Variants in PEX6 observed in about 807,000 individuals in gnomAD.
PEX6 encodes peroxisome biogenesis factor 6.
A neutral mutation model predicts 85.6 loss-of-function variants in PEX6; 55 were observed. The ratio of observed to expected loss-of-function variants is 0.64; its 90% CI spans 0.52 to 0.80. The LOEUF (loss-of-function observed/expected upper bound fraction) is 0.80, where lower values mean the gene tolerates loss of function less well. Ranked by LOEUF, PEX6 falls within the 30% of genes least tolerant of loss-of-function variation. The probability of loss-of-function intolerance (pLI) is 0.00; values close to 1 mark genes in which losing one functional copy is unlikely to be tolerated. For missense variants in PEX6, 1,099 were observed against 1,260.3 expected (o/e 0.87, Z 1.94); for synonymous variants, 519 against 549.1 (o/e 0.95, Z 0.77).
intron 6 of PEX6, 51 bp from the exon 7 acceptor site, chr6:42,968,549 G>A: frequency 6.8e-7 from 1 of 1,470,960 alleles, no homozygotes; most frequent in Non-Finnish European, 9.3e-7. Flanking sequence ...GCATGACAAG[G>A]GCAGGAGAAT....
chr6:42,969,563 A>G (rs1306800362), intron 5 of PEX6, 105 bp downstream of exon 5: 14 of 1,443,914 alleles, frequency 9.7e-6, no homozygotes, highest in Non-Finnish European at 1.3e-5. Flanking sequence ...GGTCCTCCCA[A>G]TCCCACTCTG....
intron 7 of PEX6, 152 bp from the exon 8 acceptor site, chr6:42,967,715 G>A: frequency 3.0e-6 from 2 of 662,526 alleles, no homozygotes; most frequent in East Asian, 5.5e-5. Flanking sequence ...TCCTAGATGG[G>A]GGAACTGTGT....
At position 42,967,472 on chromosome 6, in the gene PEX6, G is replaced by A; in HGVS notation, c.1780C>T (p.Pro594Ser). ...QTAFPHELEV[P>S]ALSEGQRLSI... Reference sequence around the variant, plus strand: ...AGCCGCTGCCCCTCTGACAGAGCAGGCACCTCGAGCTCATGAGGAAATGCT... The same window carrying A: ...AGCCGCTGCCCCTCTGACAGAGCAGACACCTCGAGCTCATGAGGAAATGCT... The change falls in exon 8 of 17, where the codon CCT becomes TCT. Residue 594 changes from proline (P) to serine (S), a missense_variant. By Grantham distance (74) the Pro-to-Ser change is moderately conservative (BLOSUM62 -1). Around this residue, in one of 3 missense-constraint regions of PEX6, gnomAD observed 514 missense variants for 627.0 expected, o/e 0.82. Coordinates refer to ENST00000304611, the MANE Select transcript of PEX6 (RefSeq NM_000287.4). 3 of 1,611,662 alleles carry A rather than the reference G, an allele frequency of 1.9e-6. No homozygotes were observed. The South Asian group carries it at 3.3e-5, about 18-fold the overall frequency.
At position 42,965,881 on chromosome 6, in the gene PEX6, A is replaced by G; in HGVS notation, c.2363-92T>C. 1.5e-6 allele frequency: 2 copies of G among 1,314,332 alleles called. No homozygotes were observed. The highest frequency in any genetic ancestry group is 1.4e-5 in the African/African-American group (1 of 69,258). 81.4% of individuals were successfully genotyped at this position (1,314,332 alleles called of 1,614,324 possible). A position where few individuals can be genotyped will look rare whatever the true frequency, so the allele number is the denominator to read the frequency against. ...GCAGGGAGGGAAACTGGGGCCTGACAATACAGCACTGGCATCCCAGGTACT... is the reference window on the plus strand; with the variant it reads ...GCAGGGAGGGAAACTGGGGCCTGACGATACAGCACTGGCATCCCAGGTACT... On this transcript the variant is annotated intron_variant, in intron 12 of 16. Coordinates refer to ENST00000304611, the MANE Select transcript of PEX6 (RefSeq NM_000287.4). The surrounding 1 kb of genome is among the most constrained non-coding windows in gnomAD (Gnocchi z 5.0).
chr6:42,966,400 C>A lies in PEX6; in HGVS notation c.2142G>T (p.Lys714Asn), dbSNP rs371619603. Residue 714 changes from lysine (K) to asparagine (N), a missense_variant, in exon 11 of 17, where the codon AAG becomes AAT. Physicochemically the swap from Lys to Asn is moderately conservative, Grantham distance 94. Coordinates refer to ENST00000304611, the MANE Select transcript of PEX6 (RefSeq NM_000287.4). The stretch of plus-strand genomic sequence containing the variant: ...GCTGAATGGTCTCCAGGATCTCCTT[C>A]TTCACCTCCTGCAGCCCACCCACAT... Reference protein sequence around the residue: ...WHDVGGLQEVKKEILETIQLP... With the variant: ...WHDVGGLQEVNKEILETIQLP... 3 of 1,614,036 alleles carry A rather than the reference C, an allele frequency of 1.9e-6. No individual in the cohort carries two copies. Among genetic ancestry groups the A allele is most frequent in the African/African-American group, 1.3e-5 (1 of 74,918 alleles).
Position 42,978,438 on chromosome 6 carries a change from T to C in PEX6, c.713A>G (p.His238Arg). ...TTCTAGGACCTGCACCCTAGCCAAGTGCGGCTGTGAAGTGTTCGATGACTC... is the reference window on the plus strand; with the variant it reads ...TTCTAGGACCTGCACCCTAGCCAAGCGCGGCTGTGAAGTGTTCGATGACTC... ...ARESSNTSQP[H>R]LARVQVLEPR... The change falls in exon 1 of 17, where the codon CAC becomes CGC. Residue 238 changes from histidine (H) to arginine (R), a missense_variant. By Grantham distance (29) the His-to-Arg change is conservative. Around this residue, in one of 3 missense-constraint regions of PEX6, gnomAD observed 579 missense variants for 611.6 expected, o/e 0.95. Transcript: ENST00000304611. 2 of 1,614,010 alleles carry C rather than the reference T, an allele frequency of 1.2e-6. No homozygotes were observed. Among genetic ancestry groups the C allele is most frequent in the Non-Finnish European group, 1.7e-6 (2 of 1,179,996 alleles).
intron 3 of PEX6, among the ~76,000 whole-genome samples, chr6:42,973,245 C>A (rs1468657246): frequency 1.3e-5 from 2 of 152,024 alleles, no homozygotes; most frequent in Non-Finnish European, 2.9e-5. Flanking sequence ...TTCCTGACCT[C>A]AAGTGATCTG....
At position 42,965,319 on chromosome 6, in the gene PEX6, C is replaced by T. The variant is rs1297186524; in HGVS notation, c.2521G>A (p.Asp841Asn). Residue 841 changes from aspartate (D) to asparagine (N), a missense_variant, in exon 14 of 17, where the codon GAT becomes AAT. Coordinates refer to ENST00000304611, the MANE Select transcript of PEX6 (RefSeq NM_000287.4). The surrounding 1 kb of genome is among the most constrained non-coding windows in gnomAD (Gnocchi z 5.0). Reference protein sequence around the residue: ...AELDGLHSTQDVFVIGATNRP... With the variant: ...AELDGLHSTQNVFVIGATNRP... ...TTGGTGGCTCCAATCACAAACACAT[C>T]CTGAGTGCTGTGCAGCCCATCTAGC... 1 of 1,614,182 alleles carries T rather than the reference C, an allele frequency of 6.2e-7. No individual in the cohort carries two copies. The highest frequency in any genetic ancestry group is 1.7e-5 in the Admixed American group (1 of 60,020).
rs1384541499 is a variant in PEX6 at position 42,964,565 on chromosome 6, A to G, written c.2807-94T>C. ...CCTGCTCAGGGTCTCCTAGATGTCA[A>G]TGATCTTCCCTCTGGAATCCAGGAC... On this transcript the variant is annotated intron_variant, in intron 16 of 16. Coordinates refer to ENST00000304611, the MANE Select transcript of PEX6 (RefSeq NM_000287.4). The surrounding 1 kb of genome is among the most constrained non-coding windows in gnomAD (Gnocchi z 4.6). The G allele has an allele frequency of 4.8e-6, 7 of 1,472,354 alleles. No individual in the cohort carries two copies. The highest frequency in any genetic ancestry group is 2.8e-5 in the African/African-American group (2 of 71,822). 91.2% of individuals were successfully genotyped at this position (1,472,354 alleles called of 1,614,324 possible).
chr6:42,974,447 TTTTG>T (rs1770189991), intron 2 of PEX6, among the ~76,000 whole-genome samples: 1 of 105,688 alleles, frequency 9.5e-6, no homozygotes, highest in African/African-American at 5.1e-5. Flanking sequence ...GAAATGTTTT[TTTTG>T]TTTTTTTTTT....
At chr6:42,972,421 GTTAT>G (rs1379942397) in intron 3 of PEX6, among the ~76,000 whole-genome samples, 1 of 152,194 alleles carries the variant, frequency 6.6e-6, no homozygotes, top group African/African-American at 2.4e-5. Context: ...TCTTGGCTCG[GTTAT>G]GCTCTATTTC....
Position 42,964,447 on chromosome 6 carries a change from A to G in PEX6, c.2831T>C (p.Leu944Pro), listed in dbSNP as rs1769649461. 28 of 1,613,796 alleles carry G rather than the reference A, an allele frequency of 1.7e-5. No individual in the cohort carries two copies. The highest frequency in any genetic ancestry group is 2.4e-5 in the Non-Finnish European group (28 of 1,180,014). The change falls in exon 17 of 17, where the codon CTG becomes CCG. Residue 944 changes from leucine to proline, a missense_variant. By Grantham distance (98) the Leu-to-Pro change is moderately conservative (BLOSUM62 -3). This residue lies in a region of PEX6 where 514 missense variants were observed against 627.0 expected (regional missense o/e 0.82). Coordinates refer to ENST00000304611, the MANE Select transcript of PEX6 (RefSeq NM_000287.4). The surrounding 1 kb of genome is among the most constrained non-coding windows in gnomAD (Gnocchi z 4.6). The stretch of plus-strand genomic sequence containing the variant: ...CAGCAAGTCCTCCATGGTGAGCATC[A>G]GTGCTGAGCTACCTGGCTCCAGCCC... The part of the protein sequence containing the change: ...EEGLEPGSSA[L>P]MLTMEDLLQA...
In PEX6 at chr6:42,975,018, G is replaced by A. The variant is rs772083436; in HGVS notation, c.903C>T (p.Ile301=). Residue 301 remains isoleucine, a synonymous_variant, in exon 2 of 17, where the codon ATC becomes ATT. Transcript: ENST00000304611. Reference sequence around the variant, plus strand: ...AGCAGCTTCCTTTGTCTTCAGGGGCGATGGAGCCTTCCAAGTACCTCTATT... The same window carrying A: ...AGCAGCTTCCTTTGTCTTCAGGGGCAATGGAGCCTTCCAAGTACCTCTATT... ...LRIQRYLEGS[I]APEDKGSCSL... is the part of the protein sequence containing the mutation. The A allele has an allele frequency of 1.7e-5, 27 of 1,612,918 alleles. No homozygotes were observed. Among genetic ancestry groups the A allele is most frequent in the Admixed American group, 6.7e-5 (4 of 59,988 alleles).
chr6:42,967,600 T>A (rs1262152350), intron 7 of PEX6, 37 bp from the exon 8 acceptor site: 1 of 1,563,266 alleles, frequency 6.4e-7, no homozygotes, highest in Admixed American at 1.9e-5. Context: ...GGTGAGAACA[T>A]GGCTGGCAGC....
chr6:42,968,382 G>T lies in PEX6; in HGVS notation c.1596C>A (p.Asp532Glu), dbSNP rs1385002185. 5 of 1,614,038 alleles carry T rather than the reference G, an allele frequency of 3.1e-6. No homozygotes were observed. In the East Asian group the frequency reaches 1.1e-4, roughly 36 times the overall value. ...RPAVLLLTAV[D>E]LLGRDRDGLG... The stretch of plus-strand genomic sequence containing the variant: ...GCCCATCACGGTCCCGGCCCAGAAG[G>T]TCCACAGCTGTGAGCAACAGGACTG... The change falls in exon 7 of 17, where the codon GAC becomes GAA. Residue 532 changes from aspartate to glutamate, a missense_variant. Transcript: ENST00000304611.
In PEX6 at chr6:42,964,225, C is replaced by T. The variant is rs1769625528; in HGVS notation, c.*110G>A. The T allele has an allele frequency of 7.4e-7, 1 of 1,353,172 alleles. No individual in the cohort carries two copies. The highest frequency in any genetic ancestry group is 1.0e-6 in the Non-Finnish European group (1 of 955,682). 83.8% of individuals were successfully genotyped at this position (1,353,172 alleles called of 1,614,324 possible). A position where few individuals can be genotyped will look rare whatever the true frequency, so the allele number is the denominator to read the frequency against. On this transcript the variant is annotated 3_prime_UTR_variant, in exon 17 of 17. Transcript: ENST00000304611. This position sits in a 1 kb window ranked among gnomAD's most constrained non-coding sequence, Gnocchi z 4.6. ...GGATCTCCTGGAGGGAGGTGGCCTCCAGGTGGGTTGGCAGCAGCCTGAGGA... is the reference window on the plus strand; with the variant it reads ...GGATCTCCTGGAGGGAGGTGGCCTCTAGGTGGGTTGGCAGCAGCCTGAGGA...
Position 42,964,102 on chromosome 6 carries a change from A to G in PEX6, c.*233T>C. On this transcript the variant is annotated 3_prime_UTR_variant, in exon 17 of 17. Transcript: ENST00000304611. This position sits in a 1 kb window ranked among gnomAD's most constrained non-coding sequence, Gnocchi z 4.6. ...AGGCCCTGGCCCTCTTCCTGAGTAGATGGGCCTTTCTCTTAGAGCCGGCCT... is the reference window on the plus strand; with the variant it reads ...AGGCCCTGGCCCTCTTCCTGAGTAGGTGGGCCTTTCTCTTAGAGCCGGCCT... The G allele has an allele frequency of 8.4e-6, 5 of 597,474 alleles. No homozygotes were observed. The highest frequency in any genetic ancestry group is 1.5e-5 in the Non-Finnish European group (5 of 336,554). The allele number at this position is 597,474 out of a possible 1,614,324, so 37.0% of individuals were successfully genotyped here.
At chr6:42,967,647 G>A in intron 7 of PEX6, 84 bp from the exon 8 acceptor site, 4 of 1,292,450 alleles carry the variant, frequency 3.1e-6, no homozygotes, top group Non-Finnish European at 4.3e-6. Context: ...CGGCACAGAA[G>A]GGCAGGGAAG....
rs1770388829 is a variant in PEX6 at position 42,978,263 on chromosome 6, T to C, written c.882+6A>G. 6.2e-7 allele frequency: 1 copy of C among 1,614,152 alleles called. No homozygotes were observed. The highest frequency in any genetic ancestry group is 8.5e-7 in the Non-Finnish European group (1 of 1,179,988). ...AAGCACTCCTGACCCCAGTCCTTTATCCTACCTGAATTCTGAGCTCTCCCA... is the reference window on the plus strand; with the variant it reads ...AAGCACTCCTGACCCCAGTCCTTTACCCTACCTGAATTCTGAGCTCTCCCA... On this transcript the variant is annotated splice_donor_region_variant and intron_variant, in intron 1 of 16. Coordinates refer to ENST00000304611, the MANE Select transcript of PEX6 (RefSeq NM_000287.4).
Sources: gnomAD v4.1 joint callset for allele counts (sites outside exome capture counted in the v4.1 genomes callset) on GRCh38, gnomAD v4.1.1 for gene constraint, gnomAD v4.1.1 regional missense constraint, Gnocchi (gnomAD v3.1) non-coding constraint, MANE v1.5 for transcripts, NCBI Gene and HGNC (gene_info 2026-07-23, HGNC 2026-07-21) for gene names.